Variants in GALNT17 observed in about 807,000 individuals in gnomAD.
GALNT17 encodes UDP-GalNAc:polypeptide N-acetylgalactosaminyltransferase-like 3.
Under a neutral mutation model 63.7 loss-of-function variants are expected in GALNT17, and 29 were observed. The observed-to-expected ratio is 0.46, with a 90% CI of 0.34 to 0.62. GALNT17 has a LOEUF of 0.62. Among genes scored for constraint, GALNT17 ranks in the 20% least tolerant of loss-of-function variants. GALNT17 has a pLI of 0.01. For synonymous variants in GALNT17, 305 were observed against 318.3 expected, an observed-to-expected ratio of 0.96 and a Z score of 0.45; for missense variants, 603 against 799.6, an observed-to-expected ratio of 0.75 and a Z score of 2.97.
chr7:71,606,114 A>ATTTTTTTT (rs10580489), intron 6 of GALNT17, among the ~76,000 whole-genome samples: 2 of 116,044 alleles, frequency 1.7e-5, no homozygotes, highest in African/African-American at 6.4e-5. Context: ...TAATTTTTGT[A>ATTTTTTTT]TTTTTTTTTT....
At chr7:71,616,481 T>G (rs1265300432) in intron 6 of GALNT17, among the ~76,000 whole-genome samples, 1 of 147,532 alleles carries the variant, frequency 6.8e-6, no homozygotes, top group African/African-American at 2.5e-5. Flanking sequence ...TATATACTAA[T>G]ATATAACTAA....
intron 2 of GALNT17, among the ~76,000 whole-genome samples, chr7:71,378,037 G>A (rs118095091): frequency 6.6e-6 from 1 of 152,190 alleles, no homozygotes; most frequent in East Asian, 1.9e-4. Context: ...AGTTTTGCTG[G>A]GGCTCCATAG....
chr7:71,628,887 G>A (rs907447314), intron 6 of GALNT17, among the ~76,000 whole-genome samples: 11 of 152,062 alleles, frequency 7.2e-5, no homozygotes, highest in African/African-American at 1.2e-4. Context: ...AGCCCAGATC[G>A]TGCCACTGCA....
intron 6 of GALNT17, among the ~76,000 whole-genome samples, chr7:71,578,026 T>TTTA (rs1309849309): frequency 7.0e-6 from 1 of 142,520 alleles, no homozygotes; most frequent in African/African-American, 2.9e-5. Context: ...TATTTATTTA[T>TTTA]TTATTTATTT....
chr7:71,150,963 T>C (rs1251436927), intron 1 of GALNT17, among the ~76,000 whole-genome samples: 1 of 130,382 alleles, frequency 7.7e-6, no homozygotes, highest in Non-Finnish European at 1.6e-5. Context: ...GGGAACACAG[T>C]GAGACCCTGA....
At chr7:71,534,958 G>A (rs1788780922) in intron 5 of GALNT17, among the ~76,000 whole-genome samples, 1 of 152,146 alleles carries the variant, frequency 6.6e-6, no homozygotes, top group Non-Finnish European at 1.5e-5. Context: ...CATATTCCCA[G>A]CTGGTTGTTT....
chr7:71,226,201 CAATG>C (rs1017376784), intron 1 of GALNT17, among the ~76,000 whole-genome samples: 1 of 152,178 alleles, frequency 6.6e-6, no homozygotes, highest in African/African-American at 2.4e-5. Flanking sequence ...AATTTTGGAA[CAATG>C]AATGAAGTGA....
At chr7:71,273,907 A>G (rs925805428) in intron 1 of GALNT17, among the ~76,000 whole-genome samples, 1 of 152,042 alleles carries the variant, frequency 6.6e-6, no homozygotes, top group Admixed American at 6.6e-5. Flanking sequence ...GAGAATGTGA[A>G]TCATAGGTTT....
intron 5 of GALNT17, among the ~76,000 whole-genome samples, chr7:71,546,870 T>G (rs886702454): frequency 2.6e-5 from 4 of 152,182 alleles, no homozygotes; most frequent in African/African-American, 9.7e-5. Flanking sequence ...GCCATTAGCC[T>G]CCTCTCAGAA....
At chr7:71,201,235 T>TTTTATATATATATATA (rs1554338071) in intron 1 of GALNT17, among the ~76,000 whole-genome samples, 2 of 84,062 alleles carry the variant, frequency 2.4e-5, no homozygotes, top group African/African-American at 1.7e-4. Flanking sequence ...GTGTGTGTGT[T>TTTTATATATATATATA]TATTTTTATA....
chr7:71,168,726 TGTGTGTGTGG>T (rs1562881211), intron 1 of GALNT17, among the ~76,000 whole-genome samples: 1 of 151,902 alleles, frequency 6.6e-6, no homozygotes, highest in Non-Finnish European at 1.5e-5. Flanking sequence ...TGTGTGTGTG[TGTGTGTGTGG>T]TAAGAGCACC....
chr7:71,463,051 G>C lies in GALNT17; in HGVS notation c.962+41946G>C, dbSNP rs922629996. 6.6e-5 allele frequency among the ~76,000 whole-genome samples: 10 copies of C among 152,294 alleles called. No homozygotes were observed. The South Asian group carries it at 2.1e-3, about 32-fold the overall frequency. On this transcript the variant is annotated intron_variant, in intron 5 of 10. Coordinates refer to ENST00000333538, the MANE Select transcript of GALNT17 (RefSeq NM_022479.3). Reference sequence around the variant, plus strand: ...AAATCCATCGCCTCAAGGAATTGGTGGTTAGGGGTTTTGAGGGTTCTGGAA... The same window carrying C: ...AAATCCATCGCCTCAAGGAATTGGTCGTTAGGGGTTTTGAGGGTTCTGGAA...
chr7:71,145,808 T>A, intron 1 of GALNT17, among the ~76,000 whole-genome samples: 1 of 152,122 alleles, frequency 6.6e-6, no homozygotes, highest in East Asian at 1.9e-4. Flanking sequence ...TGGGTTCAAA[T>A]GATTCTCCTG....
At chr7:71,614,289 A>G (rs1406637564) in intron 6 of GALNT17, among the ~76,000 whole-genome samples, 1 of 152,166 alleles carries the variant, frequency 6.6e-6, no homozygotes, top group Non-Finnish European at 1.5e-5. Flanking sequence ...TTTTGAGCAC[A>G]GATATGACTC....
At chr7:71,621,349 A>G (rs992508653) in intron 6 of GALNT17, among the ~76,000 whole-genome samples, 11 of 152,178 alleles carry the variant, frequency 7.2e-5, no homozygotes, top group Admixed American at 2.6e-4. Flanking sequence ...TAAGAAGAGC[A>G]TCTATGTCGA....
At chr7:71,288,109 G>A (rs11765927) in intron 1 of GALNT17, among the ~76,000 whole-genome samples, 39,696 of 148,738 alleles carry the variant, frequency 0.27, 5,990 homozygotes, top group East Asian at 0.48. Context: ...CCAGCTACTC[G>A]GGAGGCTGAG....
At chr7:71,438,823 A>G (rs759844731) in intron 5 of GALNT17, among the ~76,000 whole-genome samples, 1 of 151,648 alleles carries the variant, frequency 6.6e-6, no homozygotes, top group African/African-American at 2.4e-5. Context: ...TAACCTGATC[A>G]TTGGATTATC....
chr7:71,274,707 T>C (rs1790652794), intron 1 of GALNT17, among the ~76,000 whole-genome samples: 1 of 152,198 alleles, frequency 6.6e-6, no homozygotes. Flanking sequence ...CTGGCTGATT[T>C]TGGCATGACC....
intron 1 of GALNT17, among the ~76,000 whole-genome samples, chr7:71,220,329 G>A (rs11974138): frequency 0.027 from 4,141 of 152,266 alleles, 190 homozygotes; most frequent in African/African-American, 0.093. Flanking sequence ...TGGGAGGTGG[G>A]GGAATTCTTG....
Sources: gnomAD v4.1 joint callset for allele counts (sites outside exome capture counted in the v4.1 genomes callset) on GRCh38, gnomAD v4.1.1 for gene constraint, MANE v1.5 for transcripts, NCBI Gene and HGNC (gene_info 2026-07-23, HGNC 2026-07-21) for gene names.